Variants in NEB observed in about 807,000 individuals in gnomAD.
NEB encodes the protein nemaline myopathy type 2.
Under a neutral mutation model 952.2 loss-of-function variants are expected in NEB, and 512 were observed. That is an observed-to-expected ratio of 0.54 (90% confidence interval 0.50 to 0.58). The LOEUF (loss-of-function observed/expected upper bound fraction) is 0.58, where lower values mean the gene tolerates loss of function less well. Ranked by LOEUF, NEB falls within the 20% of genes least tolerant of loss-of-function variation. The pLI is 0.00. For synonymous variants in NEB, 2,900 were observed against 3,149.8 expected, an observed-to-expected ratio of 0.92 and a Z score of 2.66; for missense variants, 8,428 against 9,231.1, an observed-to-expected ratio of 0.91 and a Z score of 3.56.
intron 30 of NEB, among the ~76,000 whole-genome samples, chr2:151,680,408 G>C (rs1345833798): frequency 2.0e-5 from 3 of 150,362 alleles, no homozygotes; most frequent in African/African-American, 7.3e-5. Flanking sequence ...AAATATAACT[G>C]CTCCCCATTT....
intron 60 of NEB, among the ~76,000 whole-genome samples, chr2:151,641,471 C>T (rs564017545): frequency 6.6e-6 from 1 of 152,188 alleles, no homozygotes; most frequent in African/African-American, 2.4e-5. Flanking sequence ...GCTAGCACTA[C>T]AGGCATGCGC....
intron 68 of NEB, among the ~76,000 whole-genome samples, chr2:151,628,443 T>C (rs560630772): frequency 7.2e-4 from 109 of 152,290 alleles, no homozygotes; most frequent in Non-Finnish European, 1.1e-3. Context: ...GGAATATGTA[T>C]CTACAAAAAA....
Position 151,688,409 on chromosome 2 carries a change from G to A in NEB, c.2311-13C>T. 6.2e-7 allele frequency: 1 copy of A among 1,601,342 alleles called. No homozygotes were observed. Among genetic ancestry groups the A allele is most frequent in the African/African-American group, 1.3e-5 (1 of 74,766 alleles). On this transcript the variant is annotated splice_polypyrimidine_tract_variant and intron_variant, in intron 24 of 181. Transcript: ENST00000397345. ...CTTTGTAATTCAGCTGAAAAACAAA[G>A]GATATTTGAACGGTTCAGGGGAACT...
intron 52 of NEB, 98 bp from the exon 53 acceptor site, chr2:151,650,983 GGGTCTAT>G: frequency 8.3e-7 from 1 of 1,207,378 alleles, no homozygotes; most frequent in South Asian, 1.6e-5. Flanking sequence ...TTTGAGACAG[GGGTCTAT>G]GTTTCCCAGG....
chr2:151,707,655 C>T (rs765455080), intron 12 of NEB, among the ~76,000 whole-genome samples: 3 of 152,116 alleles, frequency 2.0e-5, no homozygotes, highest in African/African-American at 7.2e-5. Flanking sequence ...TTCACAAGCC[C>T]CCATCAGGAG....
In NEB at chr2:151,507,237, C is replaced by A. The variant is rs143508594; in HGVS notation, c.23452-224G>T. The A allele has an allele frequency of 4.6e-3, 2,100 of 453,190 alleles. 13 individuals are homozygous for A. Among genetic ancestry groups the A allele is most frequent in the South Asian group, 0.017 (596 of 35,902 alleles). The allele number at this position is 453,190 out of a possible 1,614,324, so 28.1% of individuals were successfully genotyped here. A position where few individuals can be genotyped will look rare whatever the true frequency, so the allele number is the denominator to read the frequency against. On this transcript the variant is annotated intron_variant, in intron 162 of 181. Transcript: ENST00000397345. The stretch of plus-strand genomic sequence containing the variant: ...TAGGGGTTTGTTTTTGTTTAAGTAT[C>A]CCTTGCTTAGTAGATTTAACTTTGA...
At chr2:151,573,807 T>C (rs1162351584) in intron 107 of NEB, among the ~76,000 whole-genome samples, 1 of 152,222 alleles carries the variant, frequency 6.6e-6, no homozygotes, top group East Asian at 1.9e-4. Context: ...TTGAACTTTC[T>C]TGAATTGTGT....
At chr2:151,508,736 A>G (rs1409484359) in intron 161 of NEB, among the ~76,000 whole-genome samples, 1 of 152,180 alleles carries the variant, frequency 6.6e-6, no homozygotes, top group Non-Finnish European at 1.5e-5. Context: ...GAGCACTACT[A>G]AGGCCAGCTG....
chr2:151,576,045 TTTG>T (rs1305045109), intron 106 of NEB, 103 bp downstream of exon 106: 9 of 912,162 alleles, frequency 9.9e-6, no homozygotes, highest in Non-Finnish European at 1.4e-5. Flanking sequence ...TAATAAAATT[TTTG>T]TTATTAATAA....
At chr2:151,691,594 A>G (rs1363435250) in intron 23 of NEB, among the ~76,000 whole-genome samples, 3 of 152,196 alleles carry the variant, frequency 2.0e-5, no homozygotes, top group Non-Finnish European at 4.4e-5. Flanking sequence ...ATGAACACTT[A>G]TCTTAAATCT....
intron 156 of NEB, among the ~76,000 whole-genome samples, chr2:151,517,610 C>T (rs1374077389): frequency 6.6e-6 from 1 of 152,120 alleles, no homozygotes; most frequent in African/African-American, 2.4e-5. Flanking sequence ...TTACACAAAC[C>T]TAGATGGTAT....
At position 151,485,885 on chromosome 2, in the gene NEB, C is replaced by T. The variant is rs747323786; in HGVS notation, c.25453G>A (p.Val8485Met). ...YDYMAADADE[V>M]SFKDGDAIIN... ...ATGGCATCTCCATCCTTGAAGGACACCTCATCTGCATCAGCAGCCATATAG... is the reference window on the plus strand; with the variant it reads ...ATGGCATCTCCATCCTTGAAGGACATCTCATCTGCATCAGCAGCCATATAG... The change falls in exon 182 of 182, where the codon GTG (valine) becomes ATG (methionine). Residue 8485 changes from valine (V) to methionine (M), a missense_variant. Physicochemically the swap from Val to Met is conservative, Grantham distance 21 (BLOSUM62 1). Transcript: ENST00000397345. The T allele has an allele frequency of 1.9e-6, 3 of 1,613,844 alleles. No individual in the cohort carries two copies. The highest frequency in any genetic ancestry group is 2.5e-6 in the Non-Finnish European group (3 of 1,179,870).
rs2098408004 is a variant in NEB, at chr2:151,621,159, CTTTCTT to C, written c.10453-139_10453-134del. 1.8e-5 allele frequency: 11 copies of C among 616,968 alleles called. 1 individual carries two copies. Among genetic ancestry groups the C allele is most frequent in the South Asian group, 1.7e-4 (8 of 46,440 alleles). The allele number at this position is 616,968 out of a possible 1,614,324, so 38.2% of individuals were successfully genotyped here. ...TCAGCCTTAAATCAGAAAAAGAACT[CTTTCTT>C]TTACTTTCTGTTTATCCTTGGATAT... On this transcript the variant is annotated intron_variant, in intron 71 of 181. Coordinates refer to ENST00000397345, the MANE Select transcript of NEB (RefSeq NM_001164508.2).
At chr2:151,679,634 G>T in intron 32 of NEB, 87 bp downstream of exon 32, 1 of 853,518 alleles carries the variant, frequency 1.2e-6, no homozygotes, top group Non-Finnish European at 1.9e-6. Flanking sequence ...GGGACTGCAT[G>T]CATGGAGACT....
At position 151,519,640 on chromosome 2, in the gene NEB, A is replaced by G. The variant is rs759787369; in HGVS notation, c.22590+18T>C. The G allele has an allele frequency of 1.3e-6, 2 of 1,560,586 alleles. No individual in the cohort carries two copies. Among genetic ancestry groups the G allele is most frequent in the East Asian group, 4.5e-5 (2 of 44,566 alleles). On this transcript the variant is annotated intron_variant, in intron 154 of 181. Coordinates refer to ENST00000397345, the MANE Select transcript of NEB (RefSeq NM_001164508.2). The stretch of plus-strand genomic sequence containing the variant: ...CAAATACCATGTTATATATTTTACC[A>G]CAATTTTAGAAACATACCTCACTTG...
chr2:151,625,048 C>A (rs1560587773), intron 71 of NEB, among the ~76,000 whole-genome samples: 1 of 152,104 alleles, frequency 6.6e-6, no homozygotes, highest in African/African-American at 2.4e-5. Flanking sequence ...AAAGGAGAGA[C>A]ATTAAAGTTT....
chr2:151,617,847 AGC>A (rs1247105406), intron 74 of NEB, among the ~76,000 whole-genome samples: 1 of 151,954 alleles, frequency 6.6e-6, no homozygotes, highest in Non-Finnish European at 1.5e-5. Context: ...GGATCACCTG[AGC>A]TCAGGAGTTT....
intron 127 of NEB, among the ~76,000 whole-genome samples, chr2:151,552,991 G>GA (rs1384105429): frequency 6.6e-6 from 1 of 152,156 alleles, no homozygotes; most frequent in Admixed American, 6.5e-5. Flanking sequence ...ACTCTTCTAG[G>GA]AAAGTTTAAG....
At chr2:151,662,703 A>G (rs2099161852) in intron 45 of NEB, among the ~76,000 whole-genome samples, 1 of 152,034 alleles carries the variant, frequency 6.6e-6, no homozygotes, top group South Asian at 2.1e-4. Flanking sequence ...CCTTTCTTAT[A>G]AAAATTCCCA....
Sources: allele counts gnomAD v4.1 joint callset (sites outside exome capture counted in the v4.1 genomes callset), GRCh38; gene constraint gnomAD v4.1.1; transcripts MANE v1.5; gene names NCBI Gene and HGNC (gene_info 2026-07-23, HGNC 2026-07-21).